The following TMEM106B variants were observed in gnomAD, a reference collection of about 807,000 sequenced individuals.
The protein encoded by TMEM106B is transmembrane protein 106B.
A neutral mutation model predicts 31.1 loss-of-function variants in TMEM106B; 15 were observed. The observed-to-expected ratio is 0.48, with a 90% confidence interval of 0.32 to 0.74. The LOEUF is 0.74. Among genes scored for constraint, TMEM106B ranks in the 30% least tolerant of loss-of-function variants. The pLI, the probability that TMEM106B is intolerant of heterozygous loss-of-function variation, is 0.03. For missense variants in TMEM106B, 283 were observed against 327.3 expected, an observed-to-expected ratio of 0.86 and a Z score of 1.04; for synonymous variants, 126 against 112.5, an observed-to-expected ratio of 1.12 and a Z score of -0.76.
rs1184567439 is a variant in TMEM106B at position 12,239,947 on chromosome 7, G to C, written c.*7972G>C. Reference sequence around the variant, plus strand: ...TGAAAAAAATGGCACTCATAGACTTGTTGGACACAGGATTGAAAGAAACCA... The same window carrying C: ...TGAAAAAAATGGCACTCATAGACTTCTTGGACACAGGATTGAAAGAAACCA... On this transcript the variant is annotated 3_prime_UTR_variant, in exon 8 of 8. Coordinates refer to ENST00000396668, the MANE Select transcript of TMEM106B (RefSeq NM_001134232.2). The C allele has an allele frequency of 6.6e-6, 1 of 152,130 alleles. No homozygotes were observed. The highest frequency in any genetic ancestry group is 2.1e-4 in the South Asian group (1 of 4,822). The allele number at this position is 152,130 out of a possible 1,614,324, so 9.4% of individuals were successfully genotyped here.
chr7:12,219,343 C>G (rs1781744834), intron 3 of TMEM106B, among the ~76,000 whole-genome samples: 1 of 152,110 alleles, frequency 6.6e-6, no homozygotes, highest in African/African-American at 2.4e-5. Context: ...GGATGGAGCC[C>G]TTGAACAGTG....
rs1583222291 is a variant in TMEM106B at position 12,232,667 on chromosome 7, T to A, written c.*692T>A. The A allele has an allele frequency of 2.0e-5, 3 of 152,450 alleles. No individual in the cohort carries two copies. Among genetic ancestry groups the A allele is most frequent in the Admixed American group, 2.0e-4 (3 of 15,250 alleles). 9.4% of individuals were successfully genotyped at this position (152,450 alleles called of 1,614,324 possible). ...TAGTTATAGTTTTGTGAAATCTTTG[T>A]GTGATCTTCAAACATTATCATTTAA... On this transcript the variant is annotated 3_prime_UTR_variant, in exon 8 of 8. Coordinates refer to ENST00000396668, the MANE Select transcript of TMEM106B (RefSeq NM_001134232.2).
At chr7:12,222,538 T>G (rs1162675656) in intron 3 of TMEM106B, among the ~76,000 whole-genome samples, 1 of 152,166 alleles carries the variant, frequency 6.6e-6, no homozygotes, top group Non-Finnish European at 1.5e-5. Context: ...AACGCTGAAG[T>G]GTAGAAAATC....
rs923782021 is a variant in TMEM106B at position 12,240,528 on chromosome 7, T to C, written c.*8553T>C. 2.6e-5 allele frequency: 4 copies of C among 152,188 alleles called. No individual in the cohort carries two copies. Among genetic ancestry groups the C allele is most frequent in the Non-Finnish European group, 5.9e-5 (4 of 68,046 alleles). The allele number at this position is 152,188 out of a possible 1,614,324, so 9.4% of individuals were successfully genotyped here. ...TTTTAAAATCTTGTATGAGGTAGTA[T>C]GATTTGAAATTAGATGGAATGTGCC... is the stretch of plus-strand genomic sequence containing the variant. On this transcript the variant is annotated 3_prime_UTR_variant, in exon 8 of 8. Coordinates refer to ENST00000396668, the MANE Select transcript of TMEM106B (RefSeq NM_001134232.2).
rs1428679146 is a variant in TMEM106B, at chr7:12,233,240, T to TTG, written c.*1266_*1267insGT. On this transcript the variant is annotated 3_prime_UTR_variant, in exon 8 of 8. Transcript: ENST00000396668. ...TATTTTCAGTATCATTTTTCATTTT[T>TTG]TTTTTTTTTTGTCTTTTCACTTACC... The TTG allele has an allele frequency of 6.6e-6, 1 of 151,290 alleles. No homozygotes were observed. The highest frequency in any genetic ancestry group is 1.5e-5 in the Non-Finnish European group (1 of 67,592). The allele number at this position is 151,290 out of a possible 1,614,324, so 9.4% of individuals were successfully genotyped here. A position where few individuals can be genotyped will look rare whatever the true frequency, so the allele number is the denominator to read the frequency against.
rs146148818 is a variant in TMEM106B at position 12,216,479 on chromosome 7, A to T, written c.217+1452A>T. On this transcript the variant is annotated intron_variant, in intron 2 of 7. Coordinates refer to ENST00000396668, the MANE Select transcript of TMEM106B (RefSeq NM_001134232.2). ...AGATGCCTATTTGACGTGGAAGTGGATATGTTCATTAGGCAGTTAGTTATC... is the reference window on the plus strand; with the variant it reads ...AGATGCCTATTTGACGTGGAAGTGGTTATGTTCATTAGGCAGTTAGTTATC... 2.3e-3 allele frequency among the ~76,000 whole-genome samples: 343 copies of T among 152,252 alleles called. No homozygotes were observed. The Middle Eastern group carries it at 0.024, about 11-fold the overall frequency.
intron 3 of TMEM106B, among the ~76,000 whole-genome samples, chr7:12,220,674 T>A (rs1203660890): frequency 6.6e-6 from 1 of 152,232 alleles, no homozygotes; most frequent in African/African-American, 2.4e-5. Context: ...TGCTAGTGAA[T>A]GAAAATTTGG....
intron 6 of TMEM106B, 93 bp from the exon 7 acceptor site, chr7:12,230,969 C>T (rs1782009957): frequency 1.2e-6 from 1 of 803,700 alleles, no homozygotes; most frequent in African/African-American, 1.8e-5. Context: ...TATTATATTT[C>T]TTAGCATCTC....
intron 4 of TMEM106B, among the ~76,000 whole-genome samples, chr7:12,224,896 C>A (rs1254009162): frequency 6.7e-6 from 1 of 149,572 alleles, no homozygotes; most frequent in Non-Finnish European, 1.5e-5. Context: ...TTATTAAGTT[C>A]TAGGGTACAT....
At chr7:12,227,838 C>G (rs980306324) in intron 4 of TMEM106B, among the ~76,000 whole-genome samples, 7 of 151,772 alleles carry the variant, frequency 4.6e-5, no homozygotes, top group Admixed American at 1.3e-4. Context: ...TTTATTCTGT[C>G]TTATTTTTTC....
Position 12,239,105 on chromosome 7 carries a change from T to C in TMEM106B, c.*7130T>C, listed in dbSNP as rs1026275349. 3.9e-5 allele frequency: 6 copies of C among 152,196 alleles called. No homozygotes were observed. The highest frequency in any genetic ancestry group is 1.4e-4 in the African/African-American group (6 of 41,464). 9.4% of individuals were successfully genotyped at this position (152,196 alleles called of 1,614,324 possible). A position where few individuals can be genotyped will look rare whatever the true frequency, so the allele number is the denominator to read the frequency against. Reference sequence around the variant, plus strand: ...TCATTGTAACCACTTTCATCAATGATCTTAGCTAGATATTCTGGGTAACTT... The same window carrying C: ...TCATTGTAACCACTTTCATCAATGACCTTAGCTAGATATTCTGGGTAACTT... On this transcript the variant is annotated 3_prime_UTR_variant, in exon 8 of 8. Transcript: ENST00000396668.
At position 12,238,162 on chromosome 7, in the gene TMEM106B, A is replaced by C. The variant is rs1441731150; in HGVS notation, c.*6187A>C. 1.3e-5 allele frequency: 2 copies of C among 155,248 alleles called. No homozygotes were observed. The highest frequency in any genetic ancestry group is 2.4e-5 in the African/African-American group (1 of 41,420). The allele number at this position is 155,248 out of a possible 1,614,324, so 9.6% of individuals were successfully genotyped here. On this transcript the variant is annotated 3_prime_UTR_variant, in exon 8 of 8. Transcript: ENST00000396668. Reference sequence around the variant, plus strand: ...CTGCTTTATCGACCATGTTTAAATAATTTTCTAAATTCTTTATTGTCATTT... The same window carrying C: ...CTGCTTTATCGACCATGTTTAAATACTTTTCTAAATTCTTTATTGTCATTT...
At chr7:12,225,019 C>G (rs2128526189) in intron 4 of TMEM106B, among the ~76,000 whole-genome samples, 1 of 152,194 alleles carries the variant, frequency 6.6e-6, no homozygotes, top group South Asian at 2.1e-4. Flanking sequence ...CCTCCCCCAT[C>G]CCTCCACCTC....
chr7:12,225,506 T>A (rs932052456), intron 4 of TMEM106B, among the ~76,000 whole-genome samples: 4 of 152,220 alleles, frequency 2.6e-5, no homozygotes, highest in Non-Finnish European at 4.4e-5. Flanking sequence ...GTGTTCCTAT[T>A]TCTCCACATC....
At chr7:12,211,970 A>G (rs1331198474) in intron 1 of TMEM106B, among the ~76,000 whole-genome samples, 2 of 152,222 alleles carry the variant, frequency 1.3e-5, no homozygotes, top group Non-Finnish European at 2.9e-5. Context: ...CTGAGCCCAC[A>G]GAGGTTGCAG....
intron 3 of TMEM106B, among the ~76,000 whole-genome samples, chr7:12,220,724 C>T (rs1354589033): frequency 1.3e-5 from 2 of 152,106 alleles, no homozygotes; most frequent in Non-Finnish European, 2.9e-5. Flanking sequence ...CTTTTTGGCT[C>T]AGAAATCCTA....
chr7:12,218,969 C>G (rs767537411), intron 3 of TMEM106B, among the ~76,000 whole-genome samples: 2 of 151,946 alleles, frequency 1.3e-5, no homozygotes, highest in Admixed American at 1.3e-4. Flanking sequence ...AATACTTTGT[C>G]CCAAAAGAAG....
In TMEM106B at chr7:12,236,393, A is replaced by T. The variant is rs982059676; in HGVS notation, c.*4418A>T. The T allele has an allele frequency of 4.6e-5, 7 of 151,928 alleles. No homozygotes were observed. Among genetic ancestry groups the T allele is most frequent in the Non-Finnish European group, 8.8e-5 (6 of 67,876 alleles). The allele number at this position is 151,928 out of a possible 1,614,324, so 9.4% of individuals were successfully genotyped here. On this transcript the variant is annotated 3_prime_UTR_variant, in exon 8 of 8. Transcript: ENST00000396668. ...ACTCTAAATTGAAAAATGTAGTATGATCTATATTTGACCCTAAAAATGTTG... is the reference window on the plus strand; with the variant it reads ...ACTCTAAATTGAAAAATGTAGTATGTTCTATATTTGACCCTAAAAATGTTG...
rs756864630 is a variant in TMEM106B, at chr7:12,231,963, G to C, written c.813G>C (p.Gln271His). 3 of 1,610,336 alleles carry C rather than the reference G, an allele frequency of 1.9e-6. No individual in the cohort carries two copies. Among genetic ancestry groups the C allele is most frequent in the Non-Finnish European group, 2.5e-6 (3 of 1,177,612 alleles). The change falls in exon 8 of 8, where the codon CAG (glutamine) becomes CAC (histidine). Residue 271 changes from glutamine (Q) to histidine (H), a missense_variant. By Grantham distance (24) the Gln-to-His change is conservative. This residue lies in a region of TMEM106B where 201 missense variants were observed against 211.5 expected (regional missense o/e 0.95). Transcript: ENST00000396668. ...AGTCTGAATATTTAAATGTACTTCAGCCACAACAGTAAAAACTGGAAGAGA... is the reference window on the plus strand; with the variant it reads ...AGTCTGAATATTTAAATGTACTTCACCCACAACAGTAAAAACTGGAAGAGA... ...LGQSEYLNVL[Q>H]PQQ is the part of the protein sequence containing the mutation.
Sources: gnomAD v4.1 joint callset for allele counts (sites outside exome capture counted in the v4.1 genomes callset) on GRCh38, gnomAD v4.1.1 for gene constraint, gnomAD v4.1.1 regional missense constraint, MANE v1.5 for transcripts, NCBI Gene and HGNC (gene_info 2026-07-23, HGNC 2026-07-21) for gene names.